CFAP299: variants seen among roughly 807,000 people sequenced by gnomAD.
CFAP299 encodes cilia- and flagella-associated protein 299.
Under a neutral mutation model 27.0 loss-of-function variants are expected in CFAP299, and 21 were observed. That is an observed-to-expected ratio of 0.78 (90% CI 0.55 to 1.12). CFAP299 has a LOEUF of 1.12. Ranked by LOEUF, CFAP299 falls within the 50% of genes most tolerant of loss-of-function variation. The probability of loss-of-function intolerance (pLI) is 0.00; values close to 1 mark genes in which losing one functional copy is unlikely to be tolerated. For missense variants in CFAP299, 310 were observed against 276.6 expected (o/e 1.12, Z -0.86); for synonymous variants, 104 against 98.1 (o/e 1.06, Z -0.36).
rs1233688344 is a variant in CFAP299 at position 80,791,804 on chromosome 4, GA to G, written c.334-78188del. ...TAGAATCTCATTGAAAAGGGAAGTT[GA>G]GACCATATTCCCTCACAGAATGACA... On this transcript the variant is annotated intron_variant, in intron 3 of 5. Coordinates refer to ENST00000358105, the MANE Select transcript of CFAP299 (RefSeq NM_152770.3). Among the ~76,000 whole-genome samples, 7 of 151,876 alleles carry G rather than the reference GA, an allele frequency of 4.6e-5. No homozygotes were observed. The East Asian group carries it at 1.2e-3, about 25-fold the overall frequency.
At chr4:80,736,388 T>C (rs1278874025) in intron 3 of CFAP299, among the ~76,000 whole-genome samples, 1 of 152,000 alleles carries the variant, frequency 6.6e-6, no homozygotes, top group East Asian at 1.9e-4. Flanking sequence ...GATCAGATAG[T>C]TGTAGATATT....
intron 2 of CFAP299, among the ~76,000 whole-genome samples, chr4:80,465,804 T>A (rs529242936): frequency 6.6e-6 from 1 of 152,158 alleles, no homozygotes; most frequent in Non-Finnish European, 1.5e-5. Context: ...TTAACACTCT[T>A]TGAGCTGTTC....
At chr4:80,645,748 G>C (rs1021734070) in intron 3 of CFAP299, among the ~76,000 whole-genome samples, 3 of 152,114 alleles carry the variant, frequency 2.0e-5, no homozygotes, top group Non-Finnish European at 2.9e-5. Context: ...TATTTTTGAG[G>C]TTGGGAAGAG....
chr4:80,599,443 C>G lies in CFAP299; in HGVS notation c.333+16260C>G, dbSNP rs142389884. 1.7e-3 allele frequency among the ~76,000 whole-genome samples: 259 copies of G among 152,224 alleles called. 1 individual carries two copies. Among genetic ancestry groups the G allele is most frequent in the Admixed American group, 2.7e-3 (41 of 15,276 alleles). On this transcript the variant is annotated intron_variant, in intron 3 of 5. Transcript: ENST00000358105. ...CATATCCTGTGAACTATCCTTAATT[C>G]TCTACTGTTTTATATAGGTTTGGCA...
intron 3 of CFAP299, among the ~76,000 whole-genome samples, chr4:80,762,391 GA>G (rs1412648828): frequency 6.6e-6 from 1 of 152,032 alleles, no homozygotes; most frequent in African/African-American, 2.4e-5. Context: ...CCTGTTGTCT[GA>G]GTGTCATACT....
At chr4:80,776,681 A>G (rs996446671) in intron 3 of CFAP299, among the ~76,000 whole-genome samples, 1 of 152,030 alleles carries the variant, frequency 6.6e-6, no homozygotes, top group Non-Finnish European at 1.5e-5. Context: ...GCAGCAAACC[A>G]CCATGGCACA....
At chr4:80,560,202 A>G (rs1734973331) in intron 2 of CFAP299, among the ~76,000 whole-genome samples, 1 of 152,060 alleles carries the variant, frequency 6.6e-6, no homozygotes, top group African/African-American at 2.4e-5. Context: ...ACTTCTAGAC[A>G]CACCCTGGGT....
chr4:80,840,170 T>G (rs1429887394), intron 3 of CFAP299, among the ~76,000 whole-genome samples: 1 of 152,142 alleles, frequency 6.6e-6, no homozygotes, highest in Non-Finnish European at 1.5e-5. Context: ...ATTTGAGTGA[T>G]CCACATTCAA....
intron 5 of CFAP299, among the ~76,000 whole-genome samples, chr4:80,961,992 A>T (rs1375610463): frequency 6.6e-6 from 1 of 151,932 alleles, no homozygotes; most frequent in East Asian, 1.9e-4. Context: ...CAAAACACAA[A>T]AATAGCCAAA....
intron 2 of CFAP299, among the ~76,000 whole-genome samples, chr4:80,542,550 G>C (rs561127981): frequency 4.6e-5 from 7 of 152,226 alleles, no homozygotes; most frequent in African/African-American, 1.7e-4. Context: ...CTGTGGAAGA[G>C]GTGGCTCTGA....
At chr4:80,916,252 A>AATATATATATATATATATATATAT (rs10696316) in intron 4 of CFAP299, among the ~76,000 whole-genome samples, 11 of 60,958 alleles carry the variant, frequency 1.8e-4, no homozygotes, top group Non-Finnish European at 2.4e-4. Context: ...ACTAGACTGA[A>AATATATATATATATATATATATAT]ATATATATAT....
At chr4:80,446,894 GC>G (rs1728641187) in intron 2 of CFAP299, among the ~76,000 whole-genome samples, 1 of 152,138 alleles carries the variant, frequency 6.6e-6, no homozygotes, top group South Asian at 2.1e-4. Flanking sequence ...ATGGATCGTG[GC>G]TTTTCAGATT....
intron 4 of CFAP299, among the ~76,000 whole-genome samples, chr4:80,893,785 G>T (rs1219126128): frequency 6.6e-6 from 1 of 151,816 alleles, no homozygotes; most frequent in Non-Finnish European, 1.5e-5. Context: ...TAGGGAAAAA[G>T]CTTCTGTACA....
At chr4:80,788,555 TG>T (rs1445871100) in intron 3 of CFAP299, among the ~76,000 whole-genome samples, 3 of 152,020 alleles carry the variant, frequency 2.0e-5, no homozygotes, top group African/African-American at 7.2e-5. Context: ...ATATATAGTG[TG>T]TGTGATAATC....
chr4:80,782,656 A>T (rs867455772), intron 3 of CFAP299, among the ~76,000 whole-genome samples: 1 of 125,872 alleles, frequency 7.9e-6, no homozygotes, highest in South Asian at 2.2e-4. Flanking sequence ...ATGAATATAT[A>T]ATATATTCAT....
intron 2 of CFAP299, among the ~76,000 whole-genome samples, chr4:80,542,824 C>CCTG (rs1268033179): frequency 6.6e-6 from 1 of 152,082 alleles, no homozygotes; most frequent in Non-Finnish European, 1.5e-5. Flanking sequence ...TGCGTGTGAC[C>CCTG]CTGCTGCTGC....
chr4:80,946,366 C>T (rs1025900166), intron 5 of CFAP299, among the ~76,000 whole-genome samples: 1 of 152,056 alleles, frequency 6.6e-6, no homozygotes, highest in African/African-American at 2.4e-5. Context: ...GCCAAAATAA[C>T]CACATTCAAA....
At chr4:80,696,613 T>A (rs1437260102) in intron 3 of CFAP299, among the ~76,000 whole-genome samples, 1 of 152,166 alleles carries the variant, frequency 6.6e-6, no homozygotes, top group Non-Finnish European at 1.5e-5. Context: ...ATAAGTTTTT[T>A]AAAAACTTAA....
At chr4:80,708,007 GAGGA>G (rs1359065573) in intron 3 of CFAP299, among the ~76,000 whole-genome samples, 1 of 152,040 alleles carries the variant, frequency 6.6e-6, no homozygotes, top group African/African-American at 2.4e-5. Flanking sequence ...TCTCAACCAT[GAGGA>G]ACAATTAGTG....
Sources: gnomAD v4.1 joint callset for allele counts (sites outside exome capture counted in the v4.1 genomes callset) on GRCh38, gnomAD v4.1.1 for gene constraint, MANE v1.5 for transcripts, NCBI Gene and HGNC (gene_info 2026-07-23, HGNC 2026-07-21) for gene names.